Variants in PLCH2 observed in about 807,000 individuals in gnomAD.
The protein encoded by PLCH2 is phospholipase C eta 2, also known as 1-phosphatidylinositol 4,5-bisphosphate phosphodiesterase eta-2.
PLCH2 carries 98 observed loss-of-function variants against 134.7 expected under a neutral mutation model. That is an observed-to-expected ratio of 0.73 (90% confidence interval 0.62 to 0.86). The LOEUF (loss-of-function observed/expected upper bound fraction) is 0.86. Among genes scored for constraint, PLCH2 ranks in the 40% least tolerant of loss-of-function variants. PLCH2 has a pLI of 0.00. For missense variants in PLCH2, 1,994 were observed against 1,986.6 expected, an observed-to-expected ratio of 1.00 and a Z score of -0.07; for synonymous variants, 974 against 827.5, an observed-to-expected ratio of 1.18 and a Z score of -3.04.
intron 8 of PLCH2, 52 bp from the exon 9 acceptor site, chr1:2,489,155 C>G (rs1642429468): frequency 1.3e-6 from 2 of 1,541,798 alleles, no homozygotes; most frequent in East Asian, 4.5e-5. Context: ...TGGGGCTTAC[C>G]CATCCTCTGA....
chr1:2,461,138 C>A (rs1640784464), intron 2 of PLCH2, among the ~76,000 whole-genome samples: 1 of 152,232 alleles, frequency 6.6e-6, no homozygotes, highest in African/African-American at 2.4e-5. Context: ...GTTCGTCCTG[C>A]AATCCTGCTC....
In PLCH2 at chr1:2,439,091, C is replaced by A. The variant is rs1481450594; in HGVS notation, c.115+8462C>A. Among the ~76,000 whole-genome samples, 2 of 152,210 alleles carry A rather than the reference C, an allele frequency of 1.3e-5. No individual in the cohort carries two copies. The highest frequency in any genetic ancestry group is 2.9e-5 in the Non-Finnish European group (2 of 68,032). On this transcript the variant is annotated intron_variant, in intron 2 of 3. Transcript: ENST00000609981. This position sits in a 1 kb window ranked among gnomAD's most constrained non-coding sequence, Gnocchi z 4.7. ...GACCTGGACGGAAATATCTCCCTTG[C>A]CAATGAGAAACTGTTTCAAGGCAGG...
Position 2,494,946 on chromosome 1 carries a change from A to G in PLCH2, c.1750A>G (p.Lys584Glu), listed in dbSNP as rs1177289894. Reference protein sequence around the residue: ...RLVVGSFSRRKKKGSKLKKAA... With the variant: ...RLVVGSFSRREKKGSKLKKAA... Reference sequence around the variant, plus strand: ...CGTCGTGGGAAGCTTCTCCAGGCGCAAGGTCCGGCGCAGCTCCCAGGCCAG... The same window carrying G: ...CGTCGTGGGAAGCTTCTCCAGGCGCGAGGTCCGGCGCAGCTCCCAGGCCAG... The change falls in exon 12 of 22, where the codon AAG becomes GAG. Residue 584 changes from lysine (K) to glutamate (E), a missense_variant and splice_region_variant. Coordinates refer to ENST00000378486, the MANE Select transcript of PLCH2 (RefSeq NM_014638.4). The G allele has an allele frequency of 4.4e-6, 7 of 1,586,182 alleles. No individual in the cohort carries two copies. The South Asian group carries it at 5.7e-5, about 13-fold the overall frequency.
intron 2 of PLCH2, among the ~76,000 whole-genome samples, chr1:2,440,750 C>G (rs1192299564): frequency 2.0e-5 from 3 of 152,248 alleles, no homozygotes; most frequent in African/African-American, 7.2e-5. Flanking sequence ...GCCTCTGGCT[C>G]AGGATGGAGA....
intron 2 of PLCH2, among the ~76,000 whole-genome samples, chr1:2,461,079 T>C (rs1025978905): frequency 1.3e-5 from 2 of 152,184 alleles, no homozygotes; most frequent in Non-Finnish European, 2.9e-5. Flanking sequence ...CAGACCCTGC[T>C]GAGGGTGTGT....
chr1:2,496,643 G>C lies in PLCH2; in HGVS notation c.1872G>C (p.Arg624=). ...AGAAGAAGACCATGAAGCTGTCCCG[G>C]GCCCTCTCTGACCTGGTGAAGTACA... ...TRQKKTMKLS[R]ALSDLVKYTK... Residue 624 remains arginine (R), a synonymous_variant, in exon 14 of 22, where the codon CGG becomes CGC. Coordinates refer to ENST00000378486, the MANE Select transcript of PLCH2 (RefSeq NM_014638.4). The C allele has an allele frequency of 1.9e-6, 3 of 1,612,196 alleles. No homozygotes were observed. Among genetic ancestry groups the C allele is most frequent in the Non-Finnish European group, 2.5e-6 (3 of 1,179,522 alleles).
exon 1 of PLCH2, chr1:2,467,461 C>A (rs996384974): frequency 5.3e-6 from 2 of 379,282 alleles, no homozygotes; most frequent in Non-Finnish European, 9.3e-6. Flanking sequence ...ACCTTCCTCA[C>A]GGGCGGGCGC....
At chr1:2,435,820 TG>T (rs77469612) in intron 2 of PLCH2, among the ~76,000 whole-genome samples, 48,708 of 151,638 alleles carry the variant, frequency 0.32, 9,166 homozygotes, top group East Asian at 0.56. Flanking sequence ...CCCCCACACC[TG>T]GGGGGCTCAG....
chr1:2,438,474 G>A (rs1239697266), intron 2 of PLCH2, among the ~76,000 whole-genome samples: 3 of 152,150 alleles, frequency 2.0e-5, no homozygotes. Context: ...CCATGCCCCT[G>A]CCATGTCCCC....
rs368008129 is a variant in PLCH2, at chr1:2,504,274, C to G, written c.3312C>G (p.Pro1104=). ...VKSEGQVPTE[P]LGGWRPLAAP... is the part of the protein sequence containing the mutation. ...GTGAGGGGCAGGTGCCCACGGAGCC[C>G]CTGGGAGGGTGGCGGCCCCTGGCCG... Residue 1104 remains proline, a synonymous_variant, in exon 22 of 22, where the codon CCC becomes CCG. Transcript: ENST00000378486. 54 of 1,595,364 alleles carry G rather than the reference C, an allele frequency of 3.4e-5. No homozygotes were observed. The East Asian group carries it at 9.0e-4, about 27-fold the overall frequency.
chr1:2,503,614 T>G, intron 21 of PLCH2: 1 of 688,022 alleles, frequency 1.5e-6, no homozygotes, highest in Non-Finnish European at 2.7e-6. Context: ...GCTGCCTCCG[T>G]AGTTAGGAAC....
Position 2,504,355 on chromosome 1 carries a change from G to GC in PLCH2, c.3394dup (p.Gln1132ProfsTer26), listed in dbSNP as rs1643413500. 6.2e-7 allele frequency: 1 copy of GC among 1,610,190 alleles called. No homozygotes were observed. Among genetic ancestry groups the GC allele is most frequent in the South Asian group, 1.1e-5 (1 of 91,088 alleles). ...ATGCCACGGGCAGTGACCCGCTGTG[G>GC]CAGCGGCTGGAGCCATGTGGCCACC... is the stretch of plus-strand genomic sequence containing the variant. On this transcript the variant is annotated frameshift_variant, in exon 22 of 22. Coordinates refer to ENST00000378486, the MANE Select transcript of PLCH2 (RefSeq NM_014638.4). LOFTEE classifies it high-confidence loss of function.
intron 8 of PLCH2, among the ~76,000 whole-genome samples, chr1:2,488,836 A>G (rs1170986882): frequency 2.6e-5 from 4 of 152,192 alleles, no homozygotes; most frequent in Non-Finnish European, 5.9e-5. Context: ...TTCCCAGCCT[A>G]TCTATAGCTC....
At chr1:2,500,083 C>T (rs1401823606) in intron 20 of PLCH2, 2 of 328,488 alleles carry the variant, frequency 6.1e-6, no homozygotes, top group Admixed American at 4.2e-5. Context: ...CGAGTGATGC[C>T]CCTCTCCCCT....
chr1:2,422,122 A>G (rs1638547849), upstream of PLCH2, among the ~76,000 whole-genome samples: 2 of 152,136 alleles, frequency 1.3e-5, no homozygotes, highest in African/African-American at 4.8e-5. Context: ...TACAAAAATT[A>G]GCCGGGCATG....
intron 1 of PLCH2, among the ~76,000 whole-genome samples, chr1:2,428,432 T>G (rs1638903228): frequency 1.3e-5 from 2 of 152,356 alleles, no homozygotes; most frequent in East Asian, 3.9e-4. Flanking sequence ...ACGGTGGCTC[T>G]CAGGGCAGGA....
intron 1 of PLCH2, 94 bp from the exon 2 acceptor site, chr1:2,478,382 C>G (rs955567580): frequency 6.8e-7 from 1 of 1,474,174 alleles, no homozygotes; most frequent in Non-Finnish European, 9.3e-7. Flanking sequence ...CGTGTTTCTC[C>G]CGTGAGGAGT....
chr1:2,434,218 G>A (rs1639215005), intron 2 of PLCH2, among the ~76,000 whole-genome samples: 1 of 152,226 alleles, frequency 6.6e-6, no homozygotes, highest in Non-Finnish European at 1.5e-5. Flanking sequence ...GGCGGGGGCC[G>A]CGCCTGGGCA....
chr1:2,495,961 C>T (rs532182211), intron 13 of PLCH2, among the ~76,000 whole-genome samples: 9 of 152,264 alleles, frequency 5.9e-5, no homozygotes, highest in Admixed American at 3.3e-4. Context: ...CCCAGGCCCC[C>T]GTGTCGGAGG....
Sources: gnomAD v4.1 joint callset for allele counts (sites outside exome capture counted in the v4.1 genomes callset) on GRCh38, gnomAD v4.1.1 for gene constraint, Gnocchi (gnomAD v3.1) non-coding constraint, MANE v1.5 for transcripts, NCBI Gene and HGNC (gene_info 2026-07-23, HGNC 2026-07-21) for gene names.